Variants in SYK observed in about 807,000 individuals in gnomAD.
SYK encodes the protein spleen associated tyrosine kinase.
Under a neutral mutation model 77.8 loss-of-function variants are expected in SYK, and 16 were observed. The ratio of observed to expected loss-of-function variants is 0.21; its 90% CI spans 0.14 to 0.31. The LOEUF (loss-of-function observed/expected upper bound fraction) is 0.31. Among genes scored for constraint, SYK ranks in the 10% least tolerant of loss-of-function variants. The pLI is 1.00. For synonymous variants in SYK, 312 were observed against 308.7 expected (o/e 1.01, Z -0.11); for missense variants, 529 against 814.4 (o/e 0.65, Z 4.26).
intron 1 of SYK, among the ~76,000 whole-genome samples, chr9:90,810,777 C>T (rs1825042906): frequency 6.6e-6 from 1 of 152,108 alleles, no homozygotes; most frequent in African/African-American, 2.4e-5. Flanking sequence ...TGAGAAGACT[C>T]AGGGAAGAAA....
At chr9:90,882,694 C>T (rs1048371282) in intron 11 of SYK, among the ~76,000 whole-genome samples, 1 of 152,148 alleles carries the variant, frequency 6.6e-6, no homozygotes, top group Non-Finnish European at 1.5e-5. Context: ...TATGCTCCTC[C>T]GTAGAGACGG....
chr9:90,897,604 G>A lies in SYK; in HGVS notation c.*2004G>A. 1 of 228,500 alleles carries A rather than the reference G, an allele frequency of 4.4e-6. No individual in the cohort carries two copies. The highest frequency in any genetic ancestry group is 6.2e-5 in the East Asian group (1 of 16,096). The allele number at this position is 228,500 out of a possible 1,614,324, so 14.2% of individuals were successfully genotyped here. On this transcript the variant is annotated 3_prime_UTR_variant, in exon 14 of 14. Coordinates refer to ENST00000375754, the MANE Select transcript of SYK (RefSeq NM_003177.7). ...ATACGGTAGCACCTATGTAGGAAGT[G>A]CGTGGAGTTTTCTGTCTTCTTTCTG...
intron 11 of SYK, among the ~76,000 whole-genome samples, chr9:90,885,417 G>C (rs1318080673): frequency 6.6e-6 from 1 of 152,094 alleles, no homozygotes; most frequent in Non-Finnish European, 1.5e-5. Context: ...CAATAGACTA[G>C]ATCAGGCAAA....
chr9:90,841,131 T>A (rs1826299179), intron 1 of SYK, among the ~76,000 whole-genome samples: 1 of 149,338 alleles, frequency 6.7e-6, no homozygotes, highest in African/African-American at 2.5e-5. Flanking sequence ...GTGTGTGTGA[T>A]GTGTGTAGTG....
intron 3 of SYK, among the ~76,000 whole-genome samples, chr9:90,854,994 T>TCACA (rs1287876789): frequency 2.1e-5 from 2 of 96,118 alleles, no homozygotes; most frequent in African/African-American, 4.3e-5. Context: ...TCTCTCTCTC[T>TCACA]CACACACACA....
At position 90,802,815 on chromosome 9, in the gene SYK, T is replaced by TAAAA. The variant is rs58269380; in HGVS notation, c.-42+931_-42+934dup. On this transcript the variant is annotated intron_variant, in intron 1 of 13. Transcript: ENST00000375754. Reference sequence around the variant, plus strand: ...GAGTTCAAAGCATTGCAGCGTGTAGTAAAAAAAAAAAAGAGTTGAAGATGT... The same window carrying TAAAA: ...GAGTTCAAAGCATTGCAGCGTGTAGTAAAAAAAAAAAAAAAAGAGTTGAAGATGT... Among the ~76,000 whole-genome samples the TAAAA allele has an allele frequency of 1.9e-3, 113 of 58,678 alleles. 8 individuals are homozygous for TAAAA. The highest frequency in any genetic ancestry group is 0.03 in the Middle Eastern group (2 of 66). 38.5% of individuals were successfully genotyped at this position (58,678 alleles called of 152,430 possible).
chr9:90,856,657 T>C (rs1464152978), intron 3 of SYK, among the ~76,000 whole-genome samples: 2 of 152,196 alleles, frequency 1.3e-5, no homozygotes, highest in African/African-American at 4.8e-5. Context: ...ATCTTATTGG[T>C]TGCTAATTTC....
chr9:90,817,778 A>G (rs1392987898), intron 1 of SYK, among the ~76,000 whole-genome samples: 1 of 151,440 alleles, frequency 6.6e-6, no homozygotes, highest in African/African-American at 2.4e-5. Context: ...TCATCTTTGA[A>G]ATAGATCATG....
At chr9:90,870,023 A>G (rs1827667952) in intron 7 of SYK, among the ~76,000 whole-genome samples, 1 of 152,152 alleles carries the variant, frequency 6.6e-6, no homozygotes, top group South Asian at 2.1e-4. Flanking sequence ...CAGGAAAATC[A>G]CTTAAGCCTG....
At chr9:90,841,458 TTGTG>T (rs1000784980) in intron 1 of SYK, among the ~76,000 whole-genome samples, 1 of 149,214 alleles carries the variant, frequency 6.7e-6, no homozygotes, top group African/African-American at 2.5e-5. Context: ...TGTATGTAGT[TTGTG>T]TGTGTGTGGT....
At chr9:90,836,286 CAAAAA>C (rs35155641) in intron 1 of SYK, among the ~76,000 whole-genome samples, 1 of 108,860 alleles carries the variant, frequency 9.2e-6, no homozygotes. Flanking sequence ...GACTTCATCT[CAAAAA>C]AAAAAAAAAA....
chr9:90,807,724 C>T (rs905120063), intron 1 of SYK, among the ~76,000 whole-genome samples: 42 of 152,150 alleles, frequency 2.8e-4, no homozygotes, highest in African/African-American at 9.9e-4. Flanking sequence ...GAAAGTTGTC[C>T]ATTGCATAAC....
chr9:90,808,193 C>T (rs771058636), intron 1 of SYK, among the ~76,000 whole-genome samples: 1 of 152,140 alleles, frequency 6.6e-6, no homozygotes, highest in Non-Finnish European at 1.5e-5. Context: ...CAAGGAAGCC[C>T]TTCATCCCTG....
chr9:90,871,297 A>G (rs887618500), intron 7 of SYK, among the ~76,000 whole-genome samples: 8 of 152,228 alleles, frequency 5.3e-5, no homozygotes, highest in African/African-American at 1.9e-4. Flanking sequence ...TCAACATTTC[A>G]TTTACACCTT....
chr9:90,875,533 TAC>T (rs1411891969), intron 9 of SYK, among the ~76,000 whole-genome samples: 5 of 152,198 alleles, frequency 3.3e-5, no homozygotes, highest in African/African-American at 1.2e-4. Flanking sequence ...TCTTTATTTG[TAC>T]ACACAGATAT....
At chr9:90,882,010 C>G (rs1265098100) in intron 11 of SYK, among the ~76,000 whole-genome samples, 1 of 152,142 alleles carries the variant, frequency 6.6e-6, no homozygotes, top group Non-Finnish European at 1.5e-5. Flanking sequence ...ATGTGCTGAC[C>G]TAGAAATATG....
rs773733984 is a variant in SYK at position 90,864,563 on chromosome 9, C to T, written c.718-26C>T. 24 of 1,599,466 alleles carry T rather than the reference C, an allele frequency of 1.5e-5. No homozygotes were observed. In the African/African-American group the frequency reaches 2.8e-4, roughly 19 times the overall value. On this transcript the variant is annotated intron_variant, in intron 4 of 13. Transcript: ENST00000375754. ...TCTATTTCCTGACCTTGGTATTTAC[C>T]ACTTTCTTACTTTTTTCTCTTTCAG...
At chr9:90,819,964 G>A (rs1201137957) in intron 1 of SYK, among the ~76,000 whole-genome samples, 4 of 152,190 alleles carry the variant, frequency 2.6e-5, no homozygotes, top group Non-Finnish European at 5.9e-5. Context: ...CATTCCAACT[G>A]GGAGAAATTG....
intron 1 of SYK, among the ~76,000 whole-genome samples, chr9:90,808,789 C>T (rs1229922820): frequency 6.6e-6 from 1 of 152,104 alleles, no homozygotes; most frequent in African/African-American, 2.4e-5. Context: ...CTAAGGCACT[C>T]CACCCTTGGT....
Sources: gnomAD v4.1 joint callset for allele counts (sites outside exome capture counted in the v4.1 genomes callset) on GRCh38, gnomAD v4.1.1 for gene constraint, MANE v1.5 for transcripts, NCBI Gene and HGNC (gene_info 2026-07-23, HGNC 2026-07-21) for gene names.